Variants in HELB observed in about 807,000 individuals in gnomAD.
The protein encoded by HELB is DNA 5'-3' helicase B.
HELB carries 96 observed loss-of-function variants against 101.7 expected under a neutral mutation model. That is an observed-to-expected ratio of 0.94 (90% CI 0.80 to 1.12). The LOEUF is 1.12. Among genes scored for constraint, HELB ranks in the 50% most tolerant of loss-of-function variants. The pLI, the probability that HELB is intolerant of heterozygous loss-of-function variation, is 0.00. For synonymous variants in HELB, 437 were observed against 459.7 expected, an observed-to-expected ratio of 0.95 and a Z score of 0.63; for missense variants, 1,210 against 1,291.9, an observed-to-expected ratio of 0.94 and a Z score of 0.97.
chr12:66,322,279 C>T (rs1242541325), intron 8 of HELB, among the ~76,000 whole-genome samples: 1 of 152,014 alleles, frequency 6.6e-6, no homozygotes, highest in East Asian at 1.9e-4. Flanking sequence ...ATAAAAAATA[C>T]AGGCTGGGCT....
intron 3 of HELB, among the ~76,000 whole-genome samples, chr12:66,307,644 G>A (rs565949327): frequency 1.1e-4 from 16 of 152,056 alleles, no homozygotes; most frequent in Admixed American, 6.5e-4. Flanking sequence ...CAGACCTTGC[G>A]TTTTTCTTTT....
intron 12 of HELB, among the ~76,000 whole-genome samples, chr12:66,335,307 A>G (rs766374576): frequency 2.6e-5 from 4 of 152,212 alleles, no homozygotes; most frequent in Non-Finnish European, 5.9e-5. Flanking sequence ...GACTGCAGAT[A>G]GAGGAGGGGG....
chr12:66,312,990 T>C (rs80060666), intron 4 of HELB, among the ~76,000 whole-genome samples: 4,741 of 152,286 alleles, frequency 0.031, 270 homozygotes, highest in African/African-American at 0.11. Context: ...GGAACCTGTA[T>C]TGAGCTGGTA....
At chr12:66,329,481 G>A (rs1390768735) in intron 11 of HELB, among the ~76,000 whole-genome samples, 1 of 152,144 alleles carries the variant, frequency 6.6e-6, no homozygotes, top group African/African-American at 2.4e-5. Flanking sequence ...GAAGTCCCTT[G>A]TGCTGGGTGG....
Position 66,310,599 on chromosome 12 carries a change from ACT to A in HELB, c.1672_1673del (p.Leu558ValfsTer6). 1 of 1,609,640 alleles carries A rather than the reference ACT, an allele frequency of 6.2e-7. No individual in the cohort carries two copies. Among genetic ancestry groups the A allele is most frequent in the Non-Finnish European group, 8.5e-7 (1 of 1,178,584 alleles). On this transcript the variant is annotated frameshift_variant, in exon 4 of 13. Coordinates refer to ENST00000247815, the MANE Select transcript of HELB (RefSeq NM_001370285.1). LOFTEE classifies it high-confidence loss of function. The stretch of plus-strand genomic sequence containing the variant: ...AGAAAACTGGTCTTCATGCCTACAC[ACT>A]GTGTCAGGTAAAACCTTTGACATTT... ...RQKTGLHAYTLCQVNYSFYSW... is the reference protein window; with the variant it reads ...RQKTGLHAYTXCQVNYSFYSW...
intron 9 of HELB, 100 bp downstream of exon 9, chr12:66,322,883 C>A: frequency 1.5e-6 from 1 of 669,566 alleles, no homozygotes; most frequent in South Asian, 2.2e-5. Context: ...ACATATATTC[C>A]CAAAATAGTT....
chr12:66,334,341 AGTCCC>A (rs1051572550), intron 12 of HELB, among the ~76,000 whole-genome samples: 2 of 151,922 alleles, frequency 1.3e-5, no homozygotes, highest in African/African-American at 4.8e-5. Context: ...GCATATCTGT[AGTCCC>A]AGCTACCCAG....
At chr12:66,313,466 A>C (rs576592683) in intron 4 of HELB, among the ~76,000 whole-genome samples, 193 of 152,252 alleles carry the variant, frequency 1.3e-3, no homozygotes, top group African/African-American at 4.4e-3. Context: ...TTTTTTTCTC[A>C]TCTATATTAA....
Position 66,307,699 on chromosome 12 carries a change from C to T in HELB, c.777+1185C>T, listed in dbSNP as rs554512609. ...GCTATGTCTATCAAGATCCTAGGGC[C>T]AGCCTTCTTCCTTCCCTGCCACTAT... On this transcript the variant is annotated intron_variant, in intron 3 of 12. Coordinates refer to ENST00000247815, the MANE Select transcript of HELB (RefSeq NM_001370285.1). Among the ~76,000 whole-genome samples the T allele has an allele frequency of 5.9e-5, 9 of 151,850 alleles. No homozygotes were observed. In the South Asian group the frequency reaches 1.2e-3, roughly 21 times the overall value.
At chr12:66,341,468 C>T (rs895330520), downstream of HELB, 1 of 152,194 alleles carries the variant, frequency 6.6e-6, no homozygotes. Context: ...GGGAACAATG[C>T]TTCATCAGCC....
At chr12:66,335,795 A>T (rs1157171716) in intron 12 of HELB, among the ~76,000 whole-genome samples, 1 of 152,176 alleles carries the variant, frequency 6.6e-6, no homozygotes, top group East Asian at 1.9e-4. Context: ...ACCAGAAGGA[A>T]TGGGTGTAGT....
intron 4 of HELB, among the ~76,000 whole-genome samples, chr12:66,311,826 CT>C (rs1171721615): frequency 6.6e-6 from 1 of 152,162 alleles, no homozygotes; most frequent in African/African-American, 2.4e-5. Context: ...AGCCCTAGCC[CT>C]GACCTGCCAT....
chr12:66,310,434 A>G lies in HELB; in HGVS notation c.1506A>G (p.Lys502=). The G allele has an allele frequency of 1.2e-6, 2 of 1,614,202 alleles. No individual in the cohort carries two copies. Among genetic ancestry groups the G allele is most frequent in the Non-Finnish European group, 1.7e-6 (2 of 1,180,038 alleles). Residue 502 remains lysine (K), a synonymous_variant, in exon 4 of 13, where the codon AAA becomes AAG. Coordinates refer to ENST00000247815, the MANE Select transcript of HELB (RefSeq NM_001370285.1). ...AGTTGGAAGAAAGAGAAGTAAAAAA[A>G]GCCTGTGAAGATTTTGAACAAGACC... ...IEQLEEREVK[K]ACEDFEQDQN...
downstream of HELB, chr12:66,341,744 C>T (rs989734676): frequency 6.6e-6 from 1 of 151,990 alleles, no homozygotes; most frequent in African/African-American, 2.4e-5. Context: ...GGGTGGTTTC[C>T]CCCACGCTGT....
Position 66,331,411 on chromosome 12 carries a change from A to G in HELB, c.2928A>G (p.Gly976=), listed in dbSNP as rs773986881. The G allele has an allele frequency of 5.6e-6, 9 of 1,614,088 alleles. No individual in the cohort carries two copies. The African/African-American group carries it at 1.2e-4, about 22-fold the overall frequency. Residue 976 remains glycine (G), a synonymous_variant, in exon 12 of 13, where the codon GGA becomes GGG. Transcript: ENST00000247815. ...PSPRKSSGDS[G]GPSTPSASPL... is the part of the protein sequence containing the mutation. ...CACGGAAGAGCTCTGGAGACAGTGGAGGACCCAGCACACCGTCAGCATCTC... is the reference window on the plus strand; with the variant it reads ...CACGGAAGAGCTCTGGAGACAGTGGGGGACCCAGCACACCGTCAGCATCTC...
At chr12:66,303,912 G>A (rs961161944) in intron 1 of HELB, among the ~76,000 whole-genome samples, 6 of 152,226 alleles carry the variant, frequency 3.9e-5, no homozygotes, top group African/African-American at 1.4e-4. Flanking sequence ...TGGTATAATA[G>A]CCACTAGCCA....
At chr12:66,337,898 A>T in intron 12 of HELB, 103 bp from the exon 13 acceptor site, 1 of 663,468 alleles carries the variant, frequency 1.5e-6, no homozygotes, top group Non-Finnish European at 2.6e-6. Flanking sequence ...GGGTTGGGGA[A>T]GGTGCATGAT....
Position 66,306,610 on chromosome 12 carries a change from T to C in HELB, c.777+96T>C, listed in dbSNP as rs1592630127. 3 of 745,690 alleles carry C rather than the reference T, an allele frequency of 4.0e-6. No homozygotes were observed. In the East Asian group the frequency reaches 8.5e-5, roughly 21 times the overall value. The allele number at this position is 745,690 out of a possible 1,614,324, so 46.2% of individuals were successfully genotyped here. A position where few individuals can be genotyped will look rare whatever the true frequency, so the allele number is the denominator to read the frequency against. On this transcript the variant is annotated intron_variant, in intron 3 of 12. Coordinates refer to ENST00000247815, the MANE Select transcript of HELB (RefSeq NM_001370285.1). Reference sequence around the variant, plus strand: ...TTCTCTTTCAAAGGAAAAAAATTTGTGTGGACCCCAGTATTGATTTATTTT... The same window carrying C: ...TTCTCTTTCAAAGGAAAAAAATTTGCGTGGACCCCAGTATTGATTTATTTT...
chr12:66,315,302 C>T lies in HELB; in HGVS notation c.1919C>T (p.Thr640Ile), dbSNP rs148447233. The change falls in exon 6 of 13, where the codon ACT becomes ATT. Residue 640 changes from threonine to isoleucine, a missense_variant. Thr to Ile is a moderately conservative substitution (Grantham distance 89). Coordinates refer to ENST00000247815, the MANE Select transcript of HELB (RefSeq NM_001370285.1). ...AACTTGCTGAAAGATCTTTTTGAGA[C>T]TCTTAAGTCAAGAAATTGTGCTATT... ...PGNLLKDLFE[T>I]LKSRNCAIEL... 6.2e-7 allele frequency: 1 copy of T among 1,608,320 alleles called. No homozygotes were observed. The highest frequency in any genetic ancestry group is 8.5e-7 in the Non-Finnish European group (1 of 1,176,990).
Sources: allele counts gnomAD v4.1 joint callset (sites outside exome capture counted in the v4.1 genomes callset), GRCh38; gene constraint gnomAD v4.1.1; transcripts MANE v1.5; gene names NCBI Gene and HGNC (gene_info 2026-07-23, HGNC 2026-07-21).